The following CCR5AS variants were observed in gnomAD, a reference collection of about 807,000 sequenced individuals.
CCR5AS encodes CCR5 antisense RNA.
At chr3:46,368,002 C>G (rs1297685471) in intron 3 of CCR5AS, among the ~76,000 whole-genome samples, 2 of 152,248 alleles carry the variant, frequency 1.3e-5, no homozygotes, top group Admixed American at 1.3e-4. Context: ...GGCAGGGTTT[C>G]TGCTCACTGT....
At chr3:46,389,991 G>A (rs553818705) in intron 2 of CCR5AS, among the ~76,000 whole-genome samples, 2 of 152,286 alleles carry the variant, frequency 1.3e-5, no homozygotes, top group Non-Finnish European at 2.9e-5. Context: ...TGAAGAAGCA[G>A]GCTAGTGTCC....
chr3:46,383,151 G>GGGCT (rs1258268571), intron 2 of CCR5AS, among the ~76,000 whole-genome samples: 1 of 152,208 alleles, frequency 6.6e-6, no homozygotes, highest in African/African-American at 2.4e-5. Flanking sequence ...AGTCAGCCAG[G>GGGCT]GGCTCATGGG....
chr3:46,392,573 G>A (rs1273559958), intron 2 of CCR5AS, among the ~76,000 whole-genome samples: 4 of 152,176 alleles, frequency 2.6e-5, no homozygotes, highest in African/African-American at 7.2e-5. Context: ...AATGACCAAG[G>A]CAGGCATCCC....
chr3:46,377,183 T>C (rs532946665), intron 2 of CCR5AS, among the ~76,000 whole-genome samples: 2 of 152,224 alleles, frequency 1.3e-5, no homozygotes, highest in African/African-American at 2.4e-5. Flanking sequence ...TTCCATCTTA[T>C]TAAATGTCTT....
chr3:46,398,495 T>C (rs1188655396), intron 1 of CCR5AS, among the ~76,000 whole-genome samples: 5 of 152,116 alleles, frequency 3.3e-5, no homozygotes, highest in African/African-American at 1.2e-4. Context: ...TTTATTAAAA[T>C]TGTTTTTATA....
At chr3:46,389,488 C>A (rs1245067210) in intron 2 of CCR5AS, among the ~76,000 whole-genome samples, 1 of 152,178 alleles carries the variant, frequency 6.6e-6, no homozygotes. Context: ...AGAAGATTAG[C>A]AGCCTGGCGA....
intron 1 of CCR5AS, among the ~76,000 whole-genome samples, chr3:46,400,694 A>T (rs550743811): frequency 6.6e-6 from 1 of 152,342 alleles, no homozygotes; most frequent in East Asian, 1.9e-4. Context: ...CCACATGGAC[A>T]ACTAAGCCAC....
At chr3:46,380,612 G>T (rs1218678350) in intron 2 of CCR5AS, among the ~76,000 whole-genome samples, 1 of 152,214 alleles carries the variant, frequency 6.6e-6, no homozygotes, top group Non-Finnish European at 1.5e-5. Context: ...TCCAACAGCG[G>T]CATGTTTTGA....
intron 2 of CCR5AS, among the ~76,000 whole-genome samples, chr3:46,379,312 G>T (rs369744793): frequency 2.6e-5 from 4 of 151,614 alleles, no homozygotes; most frequent in African/African-American, 9.7e-5. Flanking sequence ...GAGAATGATG[G>T]TTTCCAATTT....
chr3:46,379,837 C>T (rs893735467), intron 2 of CCR5AS, among the ~76,000 whole-genome samples: 28 of 152,126 alleles, frequency 1.8e-4, no homozygotes, highest in African/African-American at 6.3e-4. Flanking sequence ...GTGGAAGTTG[C>T]AGTGAGCTGA....
intron 2 of CCR5AS, among the ~76,000 whole-genome samples, chr3:46,380,933 CTT>C (rs72219839): frequency 0.12 from 18,350 of 152,210 alleles, 1,273 homozygotes; most frequent in East Asian, 0.21. Flanking sequence ...CTGAGCAAGA[CTT>C]TGCCTGGCCT....
chr3:46,389,669 AGAGAGT>A (rs985795699), intron 2 of CCR5AS, among the ~76,000 whole-genome samples: 4 of 152,102 alleles, frequency 2.6e-5, no homozygotes, highest in African/African-American at 9.7e-5. Flanking sequence ...GTCCTTTTTG[AGAGAGT>A]GAAAGGAAGA....
chr3:46,394,920 G>A (rs1368716190), intron 1 of CCR5AS, among the ~76,000 whole-genome samples: 1 of 152,166 alleles, frequency 6.6e-6, no homozygotes, highest in Non-Finnish European at 1.5e-5. Context: ...CATGGGTGGA[G>A]AGGAGTTTCA....
At chr3:46,380,305 A>G (rs1460086828) in intron 2 of CCR5AS, among the ~76,000 whole-genome samples, 4 of 152,194 alleles carry the variant, frequency 2.6e-5, no homozygotes, top group Non-Finnish European at 5.9e-5. Flanking sequence ...GGTGAAGGGG[A>G]AGTAAAAGGT....
At chr3:46,406,413 G>A (rs11574433) in intron 1 of CCR5AS, among the ~76,000 whole-genome samples, 60,923 of 151,082 alleles carry the variant, frequency 0.4, 14,338 homozygotes, top group East Asian at 0.65. Flanking sequence ...CTTCCAGACC[G>A]TGCCCTCCCC....
chr3:46,405,481 C>G (rs1352682098), intron 1 of CCR5AS, among the ~76,000 whole-genome samples: 1 of 152,168 alleles, frequency 6.6e-6, no homozygotes, highest in Non-Finnish European at 1.5e-5. Context: ...TGGAACTGAT[C>G]CATGAGTATC....
intron 2 of CCR5AS, among the ~76,000 whole-genome samples, chr3:46,387,228 C>T (rs564657685): frequency 1.3e-5 from 2 of 152,266 alleles, no homozygotes; most frequent in East Asian, 3.9e-4. Flanking sequence ...GAGCATGATG[C>T]AGCCCTACAG....
chr3:46,365,759 T>C (rs1462833588), intron 3 of CCR5AS, among the ~76,000 whole-genome samples: 1 of 152,216 alleles, frequency 6.6e-6, no homozygotes, highest in Non-Finnish European at 1.5e-5. Flanking sequence ...CACCATTTTC[T>C]GGGTGCTGGG....
At chr3:46,373,145 T>C (rs1701689413) in intron 2 of CCR5AS, 2 of 1,614,218 alleles carry the variant, frequency 1.2e-6, no homozygotes, top group Non-Finnish European at 1.7e-6. Context: ...TTTTCCTTCT[T>C]ACTGTCCCCT....
Sources: allele counts gnomAD v4.1 joint callset (sites outside exome capture counted in the v4.1 genomes callset), GRCh38; gene constraint gnomAD v4.1.1; transcripts MANE v1.5; gene names NCBI Gene and HGNC (gene_info 2026-07-23, HGNC 2026-07-21).